Variants in SPOPL observed in about 807,000 individuals in gnomAD.
SPOPL encodes speckle type BTB/POZ protein like.
In SPOPL, 23 loss-of-function variants were observed where a neutral mutation model predicts 53.8. The observed-to-expected ratio is 0.43, with a 90% CI of 0.31 to 0.61. The LOEUF (loss-of-function observed/expected upper bound fraction) is 0.61, where lower values mean the gene tolerates loss of function less well. SPOPL is among the 20% of genes least tolerant of loss of function. SPOPL has a pLI of 0.12. For synonymous variants in SPOPL, 164 were observed against 149.7 expected (o/e 1.10, Z -0.70); for missense variants, 442 against 466.9 (o/e 0.95, Z 0.49).
intron 1 of SPOPL, among the ~76,000 whole-genome samples, chr2:138,505,244 T>C (rs79498342): frequency 0.011 from 1,653 of 152,310 alleles, 33 homozygotes; most frequent in African/African-American, 0.037. Context: ...TCTTTTAAAG[T>C]ACTTCATCAA....
chr2:138,529,537 T>TGCGCGC (rs1377479258), intron 1 of SPOPL, among the ~76,000 whole-genome samples: 3 of 100,030 alleles, frequency 3.0e-5, no homozygotes, highest in Non-Finnish European at 4.5e-5. Flanking sequence ...TGTGTGTGTT[T>TGCGCGC]GCGTGCGCGC....
At chr2:138,533,873 C>G (rs1684871112) in intron 1 of SPOPL, among the ~76,000 whole-genome samples, 1 of 151,936 alleles carries the variant, frequency 6.6e-6, no homozygotes, top group South Asian at 2.1e-4. Flanking sequence ...ATAATTAAAC[C>G]ACAATTGATT....
rs33913820 is a variant in SPOPL, at chr2:138,513,739, C to CA, written c.-61+11640dup. Among the ~76,000 whole-genome samples, 1,066 of 112,602 alleles carry CA rather than the reference C, an allele frequency of 9.5e-3. 7 individuals carry two copies. Among genetic ancestry groups the CA allele is most frequent in the South Asian group, 0.023 (84 of 3,586 alleles). The allele number at this position is 112,602 out of a possible 152,430, so 73.9% of individuals were successfully genotyped here. On this transcript the variant is annotated intron_variant, in intron 1 of 10. Coordinates refer to ENST00000280098, the MANE Select transcript of SPOPL (RefSeq NM_001001664.3). ...TAGGAAATAGAGCTAGACCTTACCTCAAAAAAAAAAAAAAAAAAAATTGGC... is the reference window on the plus strand; with the variant it reads ...TAGGAAATAGAGCTAGACCTTACCTCAAAAAAAAAAAAAAAAAAAAATTGGC...
chr2:138,533,577 T>C (rs1159347934), intron 1 of SPOPL, among the ~76,000 whole-genome samples: 1 of 152,096 alleles, frequency 6.6e-6, no homozygotes, highest in African/African-American at 2.4e-5. Flanking sequence ...TTGAATAGAT[T>C]TAAGAAATTT....
At chr2:138,523,063 C>G (rs1684591088) in intron 1 of SPOPL, among the ~76,000 whole-genome samples, 2 of 152,156 alleles carry the variant, frequency 1.3e-5, no homozygotes. Context: ...ATGAAGTAGA[C>G]TAATGAGGGT....
At chr2:138,516,569 T>C (rs1684442111) in intron 1 of SPOPL, among the ~76,000 whole-genome samples, 1 of 152,160 alleles carries the variant, frequency 6.6e-6, no homozygotes, top group Non-Finnish European at 1.5e-5. Context: ...CAGGGTGCAC[T>C]CATCCAAGGT....
chr2:138,522,451 C>A (rs905767354), intron 1 of SPOPL, among the ~76,000 whole-genome samples: 1 of 152,090 alleles, frequency 6.6e-6, no homozygotes, highest in Non-Finnish European at 1.5e-5. Context: ...TTCACCCCCA[C>A]CCTTTTTTTT....
chr2:138,568,843 T>C, intron 10 of SPOPL, 93 bp from the exon 11 acceptor site: 1 of 1,326,300 alleles, frequency 7.5e-7, no homozygotes, highest in Non-Finnish European at 1.1e-6. Flanking sequence ...TGTTCAAATA[T>C]TTTGAAATTT....
intron 1 of SPOPL, among the ~76,000 whole-genome samples, chr2:138,503,864 A>G (rs989180171): frequency 6.6e-6 from 1 of 152,220 alleles, no homozygotes; most frequent in African/African-American, 2.4e-5. Context: ...ACTACTCGAG[A>G]TAGAGCTTTG....
chr2:138,517,845 G>T lies in SPOPL; in HGVS notation c.-61+15726G>T, dbSNP rs533351681. Among the ~76,000 whole-genome samples the T allele has an allele frequency of 7.0e-4, 107 of 151,990 alleles. 2 individuals carry two copies. The highest frequency in any genetic ancestry group is 6.5e-4 in the Non-Finnish European group (44 of 67,976). On this transcript the variant is annotated intron_variant, in intron 1 of 10. Coordinates refer to ENST00000280098, the MANE Select transcript of SPOPL (RefSeq NM_001001664.3). ...GCGGATCACCTGAGGTCAGGAATTT[G>T]AGACCAGCCTGGCCAACATGGTGCA...
chr2:138,564,906 CT>C (rs772924804), intron 9 of SPOPL, 33 bp from the exon 10 acceptor site: 4 of 1,613,334 alleles, frequency 2.5e-6, no homozygotes, highest in Non-Finnish European at 2.5e-6. Context: ...TTTCTCTGGA[CT>C]TTTTTTTAAG....
At chr2:138,521,366 T>C (rs1684552482) in intron 1 of SPOPL, among the ~76,000 whole-genome samples, 1 of 102,478 alleles carries the variant, frequency 9.8e-6, no homozygotes, top group South Asian at 3.3e-4. Flanking sequence ...ACCCCAGAGC[T>C]TTTTTTTTTT....
At chr2:138,553,720 A>G (rs1214055827) in intron 5 of SPOPL, among the ~76,000 whole-genome samples, 2 of 152,156 alleles carry the variant, frequency 1.3e-5, no homozygotes, top group East Asian at 1.9e-4. Flanking sequence ...TAGACAAGTT[A>G]AATGAACTGT....
At chr2:138,558,355 A>G (rs1685473046) in intron 5 of SPOPL, among the ~76,000 whole-genome samples, 1 of 152,144 alleles carries the variant, frequency 6.6e-6, no homozygotes, top group Admixed American at 6.5e-5. Context: ...AAGTCTGCAA[A>G]TCGAACTAAA....
intron 5 of SPOPL, 42 bp from the exon 6 acceptor site, chr2:138,558,980 T>A (rs1025737627): frequency 6.6e-7 from 1 of 1,512,362 alleles, no homozygotes; most frequent in Non-Finnish European, 8.9e-7. Flanking sequence ...TTACTGATAT[T>A]ACTTTGTGAA....
intron 5 of SPOPL, chr2:138,554,477 C>T (rs1685380048): frequency 7.8e-7 from 1 of 1,289,622 alleles, no homozygotes; most frequent in Non-Finnish European, 1.0e-6. Flanking sequence ...GGAAGCATTG[C>T]ACTACCCTTC....
At chr2:138,531,041 TGCAACTATCAAA>T (rs763164434) in intron 1 of SPOPL, among the ~76,000 whole-genome samples, 2 of 152,068 alleles carry the variant, frequency 1.3e-5, no homozygotes, top group Non-Finnish European at 2.9e-5. Context: ...ATGCTTTTTC[TGCAACTATCAAA>T]GTGATCTTTT....
chr2:138,550,172 G>A lies in SPOPL; in HGVS notation c.-45G>A. The A allele has an allele frequency of 6.4e-7, 1 of 1,562,120 alleles. No homozygotes were observed. The highest frequency in any genetic ancestry group is 8.8e-7 in the Non-Finnish European group (1 of 1,134,296). Reference sequence around the variant, plus strand: ...TCCTTTGTAGGTAAGGTACTCAACTGTGTGGGGTACTACATAAATCCTGAA... The same window carrying A: ...TCCTTTGTAGGTAAGGTACTCAACTATGTGGGGTACTACATAAATCCTGAA... On this transcript the variant is annotated 5_prime_UTR_variant, in exon 2 of 11. It adds an upstream start codon to the 5' untranslated region. Coordinates refer to ENST00000280098, the MANE Select transcript of SPOPL (RefSeq NM_001001664.3).
chr2:138,531,208 T>C (rs528328884), intron 1 of SPOPL, among the ~76,000 whole-genome samples: 1 of 152,150 alleles, frequency 6.6e-6, no homozygotes, highest in South Asian at 2.1e-4. Flanking sequence ...TTTTCTCTCC[T>C]TTTAAAAATC....
Sources: allele counts gnomAD v4.1 joint callset (sites outside exome capture counted in the v4.1 genomes callset), GRCh38; gene constraint gnomAD v4.1.1; transcripts MANE v1.5; gene names NCBI Gene and HGNC (gene_info 2026-07-23, HGNC 2026-07-21).